Variants in RNF111 observed in about 807,000 individuals in gnomAD.
The protein encoded by RNF111 is ring finger protein 111.
In RNF111, 17 loss-of-function variants were observed where a neutral mutation model predicts 95.1. That is an observed-to-expected ratio of 0.18 (90% confidence interval 0.12 to 0.27). The LOEUF (loss-of-function observed/expected upper bound fraction) is 0.27. Ranked by LOEUF, RNF111 falls within the 10% of genes least tolerant of loss-of-function variation. The pLI is 1.00. For synonymous variants in RNF111, 440 were observed against 414.8 expected (o/e 1.06, Z -0.74); for missense variants, 1,189 against 1,210.4 (o/e 0.98, Z 0.26).
At chr15:59,052,658 C>CT (rs1318346034) in intron 3 of RNF111, among the ~76,000 whole-genome samples, 3 of 147,618 alleles carry the variant, frequency 2.0e-5, no homozygotes, top group African/African-American at 7.6e-5. Context: ...AGTGATTCTC[C>CT]TGTCTCATTC....
chr15:59,024,545 A>G (rs976526476), intron 1 of RNF111, among the ~76,000 whole-genome samples: 1 of 152,204 alleles, frequency 6.6e-6, no homozygotes, highest in Admixed American at 6.5e-5. Flanking sequence ...TTTAGTCCAG[A>G]TTCTCTGAGA....
At chr15:59,027,543 T>G (rs1251292073) in intron 1 of RNF111, among the ~76,000 whole-genome samples, 1 of 152,116 alleles carries the variant, frequency 6.6e-6, no homozygotes. Flanking sequence ...CTTTTTTTTT[T>G]TGGGAGACAG....
intron 1 of RNF111, among the ~76,000 whole-genome samples, chr15:58,997,852 A>G (rs895576591): frequency 6.6e-6 from 1 of 150,916 alleles, no homozygotes; most frequent in Non-Finnish European, 1.5e-5. Flanking sequence ...TTGTAAATTT[A>G]TTTTGATTCT....
chr15:58,995,837 A>G (rs1330457627), intron 1 of RNF111, among the ~76,000 whole-genome samples: 1 of 112,928 alleles, frequency 8.9e-6, no homozygotes, highest in Non-Finnish European at 1.8e-5. Flanking sequence ...AGCACATCTT[A>G]TTTCTTTCCT....
At chr15:59,015,292 A>G (rs1306425632) in intron 1 of RNF111, among the ~76,000 whole-genome samples, 3 of 152,222 alleles carry the variant, frequency 2.0e-5, no homozygotes, top group East Asian at 3.9e-4. Flanking sequence ...CATGTTAGAG[A>G]TATTGTCATG....
chr15:59,040,557 T>C (rs2041400660), intron 2 of RNF111, among the ~76,000 whole-genome samples: 2 of 152,204 alleles, frequency 1.3e-5, no homozygotes, highest in Non-Finnish European at 2.9e-5. Flanking sequence ...AGTTGTTGTT[T>C]TATATTTGTA....
In RNF111 at chr15:59,094,903, C is replaced by T; in HGVS notation, c.*3C>T. ...CCCAGCTGCCAAGTGAAAGTTGACA[C>T]CATGTTTCAGAACTCTTGCCCTCCC... On this transcript the variant is annotated 3_prime_UTR_variant, in exon 14 of 14. Coordinates refer to ENST00000348370, the MANE Select transcript of RNF111 (RefSeq NM_017610.8). 1 of 1,535,572 alleles carries T rather than the reference C, an allele frequency of 6.5e-7. No individual in the cohort carries two copies. Among genetic ancestry groups the T allele is most frequent in the African/African-American group, 1.4e-5 (1 of 73,372 alleles).
intron 2 of RNF111, among the ~76,000 whole-genome samples, chr15:59,037,508 A>G (rs1201730347): frequency 1.3e-5 from 2 of 152,174 alleles, no homozygotes; most frequent in African/African-American, 4.8e-5. Context: ...TTAATTATGG[A>G]TATGAGGACT....
chr15:59,001,737 T>C (rs532502011), intron 1 of RNF111, among the ~76,000 whole-genome samples: 15 of 152,194 alleles, frequency 9.9e-5, no homozygotes, highest in Non-Finnish European at 8.8e-5. Flanking sequence ...CTACAAAACA[T>C]ACATTATCAT....
chr15:59,023,061 A>G (rs2040424275), intron 1 of RNF111, among the ~76,000 whole-genome samples: 1 of 152,216 alleles, frequency 6.6e-6, no homozygotes, highest in Non-Finnish European at 1.5e-5. Context: ...AGCCTGGCCA[A>G]CGTGGTGAAA....
intron 1 of RNF111, among the ~76,000 whole-genome samples, chr15:59,002,059 G>A (rs2039347074): frequency 6.6e-6 from 1 of 152,198 alleles, no homozygotes; most frequent in South Asian, 2.1e-4. Flanking sequence ...TGGGCACTGT[G>A]TAGGCATTCA....
intron 1 of RNF111, among the ~76,000 whole-genome samples, chr15:59,028,465 T>G (rs2040735495): frequency 6.6e-6 from 1 of 152,172 alleles, no homozygotes; most frequent in Non-Finnish European, 1.5e-5. Flanking sequence ...AACAATAAAG[T>G]AGCAAAATTC....
At chr15:59,024,061 A>G (rs2040479667) in intron 1 of RNF111, among the ~76,000 whole-genome samples, 1 of 152,198 alleles carries the variant, frequency 6.6e-6, no homozygotes, top group Non-Finnish European at 1.5e-5. Context: ...CTCTCTTTTA[A>G]GGACCTGATT....
At chr15:59,061,228 A>G (rs958931351) in intron 5 of RNF111, among the ~76,000 whole-genome samples, 6 of 152,238 alleles carry the variant, frequency 3.9e-5, no homozygotes, top group African/African-American at 1.2e-4. Flanking sequence ...CATCTTGGCT[A>G]CAGTCCTAAA....
At chr15:59,081,399 C>T (rs2078739803) in intron 8 of RNF111, 115 bp downstream of exon 8, 4 of 847,014 alleles carry the variant, frequency 4.7e-6, no homozygotes, top group Admixed American at 5.1e-5. Flanking sequence ...AGTCACAGCT[C>T]CTTGGGAGGC....
At chr15:59,027,036 A>G (rs532640017) in intron 1 of RNF111, among the ~76,000 whole-genome samples, 1 of 152,332 alleles carries the variant, frequency 6.6e-6, no homozygotes, top group South Asian at 2.1e-4. Flanking sequence ...ATGATGGAAA[A>G]GAAATTGGGT....
intron 2 of RNF111, among the ~76,000 whole-genome samples, chr15:59,042,521 C>T (rs1472376106): frequency 1.3e-5 from 2 of 152,154 alleles, no homozygotes; most frequent in African/African-American, 4.8e-5. Flanking sequence ...CTCCAAAGTT[C>T]TAGCAAAATT....
chr15:59,077,782 G>C (rs978113366), intron 7 of RNF111, among the ~76,000 whole-genome samples: 8 of 152,110 alleles, frequency 5.3e-5, no homozygotes, highest in African/African-American at 1.9e-4. Flanking sequence ...TCTCCAAGGG[G>C]CTGCATCAAT....
At chr15:59,032,992 C>G (rs1279252331) in intron 2 of RNF111, among the ~76,000 whole-genome samples, 1 of 152,096 alleles carries the variant, frequency 6.6e-6, no homozygotes, top group Non-Finnish European at 1.5e-5. Flanking sequence ...ACAAACCATC[C>G]TAAGATAATG....
Sources: allele counts gnomAD v4.1 joint callset (sites outside exome capture counted in the v4.1 genomes callset), GRCh38; gene constraint gnomAD v4.1.1; transcripts MANE v1.5; gene names NCBI Gene and HGNC (gene_info 2026-07-23, HGNC 2026-07-21).